The following OPCML variants were observed in gnomAD, a reference collection of about 807,000 sequenced individuals.
OPCML encodes the protein opioid-binding protein/cell adhesion molecule.
A neutral mutation model predicts 37.8 loss-of-function variants in OPCML; 13 were observed. The ratio of observed to expected loss-of-function variants is 0.34; its 90% confidence interval spans 0.22 to 0.55. OPCML has a LOEUF of 0.55. Among genes scored for constraint, OPCML ranks in the 20% least tolerant of loss-of-function variants. The probability of loss-of-function intolerance (pLI) is 0.91; values close to 1 mark genes in which losing one functional copy is unlikely to be tolerated. For synonymous variants in OPCML, 176 were observed against 168.8 expected (o/e 1.04, Z -0.33); for missense variants, 341 against 435.6 (o/e 0.78, Z 1.93).
At chr11:133,119,785 A>C (rs1358869046) in intron 1 of OPCML, among the ~76,000 whole-genome samples, 1 of 152,212 alleles carries the variant, frequency 6.6e-6, no homozygotes, top group African/African-American at 2.4e-5. Context: ...GCTCACGTGA[A>C]GTCAGGATGG....
At chr11:133,498,002 G>T (rs1256601388) in intron 1 of OPCML, among the ~76,000 whole-genome samples, 1 of 152,208 alleles carries the variant, frequency 6.6e-6, no homozygotes, top group Non-Finnish European at 1.5e-5. Flanking sequence ...CTCTGCTTTT[G>T]TCAATTTAAA....
At chr11:133,382,846 T>A (rs1436199387) in intron 1 of OPCML, among the ~76,000 whole-genome samples, 1 of 152,118 alleles carries the variant, frequency 6.6e-6, no homozygotes, top group Admixed American at 6.5e-5. Context: ...TTTCACTGCT[T>A]ATGAAAGGAG....
intron 3 of OPCML, among the ~76,000 whole-genome samples, chr11:132,636,905 G>GA (rs1272768396): frequency 6.6e-6 from 1 of 151,862 alleles, no homozygotes; most frequent in African/African-American, 2.4e-5. Flanking sequence ...TAAAAAAAGA[G>GA]AAAAAAAGAA....
At chr11:133,422,984 C>T (rs1334206701) in intron 1 of OPCML, 3 of 985,254 alleles carry the variant, frequency 3.0e-6, no homozygotes, top group Non-Finnish European at 3.6e-6. Context: ...ACAGTGTGTA[C>T]AAAGTGCCTT....
At chr11:133,409,781 G>A (rs1945605115) in intron 1 of OPCML, among the ~76,000 whole-genome samples, 1 of 152,138 alleles carries the variant, frequency 6.6e-6, no homozygotes, top group South Asian at 2.1e-4. Context: ...TATGCACCAT[G>A]CTAGGTACCA....
chr11:132,923,075 G>GAAAA lies in OPCML; in HGVS notation c.146+19847_146+19850dup, dbSNP rs912710922. Among the ~76,000 whole-genome samples, 114 of 94,474 alleles carry GAAAA rather than the reference G, an allele frequency of 1.2e-3. No individual in the cohort carries two copies. In the East Asian group the frequency reaches 0.015, roughly 13 times the overall value. The allele number at this position is 94,474 out of a possible 152,430, so 62.0% of individuals were successfully genotyped here. A position where few individuals can be genotyped will look rare whatever the true frequency, so the allele number is the denominator to read the frequency against. On this transcript the variant is annotated intron_variant, in intron 2 of 7. Transcript: ENST00000524381. ...GGTGACAGAGTGAGACTCCGTCTCA[G>GAAAA]AAAAAAATAAATAAATAAATAATAA...
Position 132,874,997 on chromosome 11 carries a change from C to CA in OPCML, c.146+67928dup, listed in dbSNP as rs546133709. ...CAAGTAAATATTTAAAACATAGTCT[C>CA]AGATCCTAACGAAGTTTTAAGATTT... On this transcript the variant is annotated intron_variant, in intron 2 of 7. Transcript: ENST00000524381. Among the ~76,000 whole-genome samples the CA allele has an allele frequency of 5.8e-4, 88 of 152,322 alleles. No individual in the cohort carries two copies. In the East Asian group the frequency reaches 0.014, roughly 24 times the overall value.
chr11:133,210,285 C>T lies in OPCML; in HGVS notation c.62-267275G>A, dbSNP rs564581114. Among the ~76,000 whole-genome samples, 13 of 152,208 alleles carry T rather than the reference C, an allele frequency of 8.5e-5. No individual in the cohort carries two copies. In the East Asian group the frequency reaches 1.5e-3, roughly 18 times the overall value. On this transcript the variant is annotated intron_variant, in intron 1 of 7. Coordinates refer to ENST00000524381, the MANE Select transcript of OPCML (RefSeq NM_001012393.5). ...TTTTTAGAGAATTAGGTGTTAACAG[C>T]GGATGGACAGAACATCAGAAAAATG...
intron 1 of OPCML, among the ~76,000 whole-genome samples, chr11:133,329,813 G>A (rs1943574138): frequency 6.6e-6 from 1 of 152,122 alleles, no homozygotes; most frequent in Non-Finnish European, 1.5e-5. Context: ...AAAAGCAATG[G>A]CAACAAAAGC....
intron 2 of OPCML, among the ~76,000 whole-genome samples, chr11:132,672,701 C>T (rs1159739652): frequency 6.6e-6 from 1 of 152,152 alleles, no homozygotes. Context: ...ACCAATAAAG[C>T]TCTTCCACGA....
At chr11:132,438,655 T>G (rs2096021325) in intron 4 of OPCML, among the ~76,000 whole-genome samples, 1 of 149,814 alleles carries the variant, frequency 6.7e-6, no homozygotes, top group African/African-American at 2.5e-5. Context: ...GTCCAGGGTA[T>G]AGGGTGTGCA....
At chr11:132,448,110 AG>A (rs1395023233) in intron 4 of OPCML, among the ~76,000 whole-genome samples, 4 of 152,196 alleles carry the variant, frequency 2.6e-5, no homozygotes, top group Non-Finnish European at 5.9e-5. Flanking sequence ...AAATAGTCCT[AG>A]GGTCTTTTCA....
chr11:132,806,590 G>C (rs1308131110), intron 2 of OPCML, among the ~76,000 whole-genome samples: 1 of 152,048 alleles, frequency 6.6e-6, no homozygotes, highest in African/African-American at 2.4e-5. Flanking sequence ...TAGTAACAGA[G>C]TATCAAAATC....
intron 2 of OPCML, among the ~76,000 whole-genome samples, chr11:132,724,948 T>G (rs1251403981): frequency 6.6e-6 from 1 of 152,218 alleles, no homozygotes; most frequent in African/African-American, 2.4e-5. Context: ...TCCGTGGTTT[T>G]GCAGGGTACA....
chr11:133,161,088 C>T (rs535403612), intron 1 of OPCML, among the ~76,000 whole-genome samples: 3 of 152,148 alleles, frequency 2.0e-5, no homozygotes, highest in Non-Finnish European at 2.9e-5. Flanking sequence ...ATCTCTTAAT[C>T]GACTAAAGGG....
chr11:133,498,627 G>A (rs576924671), intron 1 of OPCML, among the ~76,000 whole-genome samples: 1 of 152,300 alleles, frequency 6.6e-6, no homozygotes, highest in African/African-American at 2.4e-5. Flanking sequence ...AACAAGTGCG[G>A]TCTCAGCTGC....
intron 1 of OPCML, among the ~76,000 whole-genome samples, chr11:133,046,981 C>T (rs1406894939): frequency 1.3e-5 from 2 of 151,732 alleles, no homozygotes; most frequent in African/African-American, 4.8e-5. Context: ...TTTTAAAGTG[C>T]CCTGCTGGGA....
chr11:133,475,848 GA>G (rs377097508), intron 1 of OPCML, among the ~76,000 whole-genome samples: 69 of 152,196 alleles, frequency 4.5e-4, no homozygotes, highest in African/African-American at 1.6e-3. Context: ...CCTACGGGAT[GA>G]AAATGCTTTC....
intron 2 of OPCML, among the ~76,000 whole-genome samples, chr11:132,794,202 A>G (rs1401192450): frequency 1.3e-5 from 2 of 152,078 alleles, no homozygotes; most frequent in African/African-American, 4.8e-5. Flanking sequence ...TCGAGTTAGC[A>G]TTTCACTCCT....
Sources: allele counts gnomAD v4.1 joint callset (sites outside exome capture counted in the v4.1 genomes callset), GRCh38; gene constraint gnomAD v4.1.1; transcripts MANE v1.5; gene names NCBI Gene and HGNC (gene_info 2026-07-23, HGNC 2026-07-21).